The following OTUD7A variants were observed in gnomAD, a reference collection of about 807,000 sequenced individuals.
OTUD7A encodes OTU domain-containing protein 7A.
OTUD7A carries 12 observed loss-of-function variants against 65.7 expected under a neutral mutation model. The ratio of observed to expected loss-of-function variants is 0.18; its 90% CI spans 0.12 to 0.30. OTUD7A has a LOEUF of 0.30. OTUD7A is among the 10% of genes least tolerant of loss of function. The pLI is 1.00. For synonymous variants in OTUD7A, 641 were observed against 586.3 expected, an observed-to-expected ratio of 1.09 and a Z score of -1.35; for missense variants, 1,148 against 1,304.8, an observed-to-expected ratio of 0.88 and a Z score of 1.85.
intron 1 of OTUD7A, among the ~76,000 whole-genome samples, chr15:31,790,746 G>A (rs1432052381): frequency 6.6e-6 from 1 of 152,136 alleles, no homozygotes; most frequent in African/African-American, 2.4e-5. Context: ...CTCCTCTGGG[G>A]CCTCTGGCCC....
At chr15:31,594,711 T>C (rs1409256262) in intron 3 of OTUD7A, among the ~76,000 whole-genome samples, 3 of 152,192 alleles carry the variant, frequency 2.0e-5, no homozygotes, top group Admixed American at 6.5e-5. Flanking sequence ...CCCCCACTCA[T>C]GGAGGGATCA....
chr15:31,807,812 C>G lies in OTUD7A; in HGVS notation c.-100+62695G>C, dbSNP rs951529278. On this transcript the variant is annotated intron_variant, in intron 1 of 12. Coordinates refer to ENST00000307050, the MANE Select transcript of OTUD7A (RefSeq NM_001382637.1). ...AACCACCTCCACTCCCCCAACCCCCCAAAAAAACCCACAAATACACTGAAG... is the reference window on the plus strand; with the variant it reads ...AACCACCTCCACTCCCCCAACCCCCGAAAAAAACCCACAAATACACTGAAG... Among the ~76,000 whole-genome samples, 9 of 152,062 alleles carry G rather than the reference C, an allele frequency of 5.9e-5. 1 individual carries two copies. The highest frequency in any genetic ancestry group is 5.2e-4 in the Admixed American group (8 of 15,270).
intron 3 of OTUD7A, among the ~76,000 whole-genome samples, chr15:31,572,222 T>C (rs951496481): frequency 4.6e-5 from 7 of 152,306 alleles, no homozygotes; most frequent in Admixed American, 3.9e-4. Context: ...GCTGAAAATA[T>C]TCATTTTCTC....
intron 1 of OTUD7A, among the ~76,000 whole-genome samples, chr15:31,855,569 T>C (rs762405600): frequency 3.0e-4 from 46 of 152,322 alleles, no homozygotes; most frequent in Non-Finnish European, 5.3e-4. Context: ...ACTGATACTG[T>C]GTGATCCTGG....
At chr15:31,667,434 T>C (rs968232925) in intron 1 of OTUD7A, among the ~76,000 whole-genome samples, 3 of 152,234 alleles carry the variant, frequency 2.0e-5, no homozygotes, top group Non-Finnish European at 2.9e-5. Flanking sequence ...TTGCCTGATA[T>C]AAGAATAGCT....
At chr15:31,845,738 G>A (rs575762615) in intron 1 of OTUD7A, among the ~76,000 whole-genome samples, 3 of 152,352 alleles carry the variant, frequency 2.0e-5, no homozygotes, top group Admixed American at 6.5e-5. Flanking sequence ...TCTGGCAGAC[G>A]TGCCAGGACC....
rs2141068316 is a variant in OTUD7A at position 31,489,702 on chromosome 15, G to A, written c.1172-2136C>T. Among the ~76,000 whole-genome samples, 4 of 152,340 alleles carry A rather than the reference G, an allele frequency of 2.6e-5. 1 individual carries two copies. The Middle Eastern group carries it at 0.014, about 518-fold the overall frequency. ...TCCTTTTAGATTTCCACTGTGTTAAGTCACTGTGATTTTGGTTTGTTTGTT... is the reference window on the plus strand; with the variant it reads ...TCCTTTTAGATTTCCACTGTGTTAAATCACTGTGATTTTGGTTTGTTTGTT... On this transcript the variant is annotated intron_variant, in intron 10 of 12. Transcript: ENST00000307050.
chr15:31,689,755 G>A (rs1014227968), intron 1 of OTUD7A, among the ~76,000 whole-genome samples: 8 of 152,170 alleles, frequency 5.3e-5, no homozygotes, highest in Admixed American at 1.3e-4. Flanking sequence ...AGTCTCATCC[G>A]TGTGGACTTA....
At chr15:31,810,382 A>C (rs1201991110) in intron 1 of OTUD7A, among the ~76,000 whole-genome samples, 1 of 152,188 alleles carries the variant, frequency 6.6e-6, no homozygotes. Context: ...GCATTTAAAG[A>C]GGTAATTAAG....
chr15:31,824,179 G>A (rs1328976905), intron 1 of OTUD7A, among the ~76,000 whole-genome samples: 1 of 152,216 alleles, frequency 6.6e-6, no homozygotes, highest in Admixed American at 6.5e-5. Context: ...ACTCCTTCAT[G>A]CTCAGGACAC....
In OTUD7A at chr15:31,487,100, T is replaced by G; in HGVS notation, c.1371+94A>C. 8.0e-7 allele frequency: 1 copy of G among 1,248,010 alleles called. No individual in the cohort carries two copies. 77.3% of individuals were successfully genotyped at this position (1,248,010 alleles called of 1,614,324 possible). ...GCGGCCGGGCAGGGGCAGGCAAGAGTGTGGGAGCATTTGGGAGGATGCACC... is the reference window on the plus strand; with the variant it reads ...GCGGCCGGGCAGGGGCAGGCAAGAGGGTGGGAGCATTTGGGAGGATGCACC... On this transcript the variant is annotated intron_variant, in intron 12 of 12. Coordinates refer to ENST00000307050, the MANE Select transcript of OTUD7A (RefSeq NM_001382637.1). The surrounding 1 kb of genome is among the most constrained non-coding windows in gnomAD (Gnocchi z 6.0).
chr15:31,790,693 G>C (rs1895790309), intron 1 of OTUD7A, among the ~76,000 whole-genome samples: 1 of 152,152 alleles, frequency 6.6e-6, no homozygotes, highest in South Asian at 2.1e-4. Flanking sequence ...CAATATCATG[G>C]AAACAACTCA....
intron 3 of OTUD7A, among the ~76,000 whole-genome samples, chr15:31,573,192 A>T (rs1244810524): frequency 6.6e-6 from 1 of 152,230 alleles, no homozygotes; most frequent in Admixed American, 6.5e-5. Flanking sequence ...GCCAAAAGAC[A>T]ATAGGGCCAC....
chr15:31,570,740 G>A (rs377571837), intron 3 of OTUD7A, among the ~76,000 whole-genome samples: 39 of 152,308 alleles, frequency 2.6e-4, no homozygotes, highest in African/African-American at 9.1e-4. Context: ...TGCACCAGGT[G>A]TGATGCCAGG....
intron 1 of OTUD7A, among the ~76,000 whole-genome samples, chr15:31,728,662 G>A (rs950417964): frequency 3.3e-5 from 5 of 152,072 alleles, no homozygotes; most frequent in Non-Finnish European, 7.3e-5. Flanking sequence ...TATCCTTTAG[G>A]TCTCAGGTGC....
At chr15:31,841,214 C>T (rs770023486) in intron 1 of OTUD7A, among the ~76,000 whole-genome samples, 2 of 152,124 alleles carry the variant, frequency 1.3e-5, no homozygotes, top group Non-Finnish European at 2.9e-5. Context: ...GTCACAGAGT[C>T]CCTTGGCAAG....
chr15:31,655,182 G>T lies in OTUD7A; in HGVS notation c.65C>A (p.Pro22His). The T allele has an allele frequency of 1.3e-6, 2 of 1,550,478 alleles. No individual in the cohort carries two copies. The highest frequency in any genetic ancestry group is 1.7e-6 in the Non-Finnish European group (2 of 1,143,448). The change falls in exon 3 of 13, where the codon CCT becomes CAT. Residue 22 changes from proline to histidine, a missense_variant. By Grantham distance (77) the Pro-to-His change is moderately conservative. Coordinates refer to ENST00000307050, the MANE Select transcript of OTUD7A (RefSeq NM_001382637.1). Reference sequence around the variant, plus strand: ...GACTGCGTCCATATCAAGAGTCATAGGATCATGTAGAAGTGCTGCCCAACA... The same window carrying T: ...GACTGCGTCCATATCAAGAGTCATATGATCATGTAGAAGTGCTGCCCAACA... ...AECWAALLHDPMTLDMDAVLS... is the reference protein window; with the variant it reads ...AECWAALLHDHMTLDMDAVLS...
chr15:31,739,061 G>A (rs1894268230), intron 1 of OTUD7A, among the ~76,000 whole-genome samples: 2 of 152,074 alleles, frequency 1.3e-5, no homozygotes, highest in Admixed American at 1.3e-4. Context: ...CATTTCTGGG[G>A]AGCAGCCCAG....
Position 31,853,821 on chromosome 15 carries a change from C to T in OTUD7A, c.-100+16686G>A, listed in dbSNP as rs572064738. 3.3e-5 allele frequency among the ~76,000 whole-genome samples: 5 copies of T among 152,318 alleles called. No individual in the cohort carries two copies. The South Asian group carries it at 6.2e-4, about 19-fold the overall frequency. On this transcript the variant is annotated intron_variant, in intron 1 of 12. Coordinates refer to ENST00000307050, the MANE Select transcript of OTUD7A (RefSeq NM_001382637.1). ...CATCCCGCCCTGGCTTCACCCTCAT[C>T]CTTCTTCTTCAACAAAGACCTGACC...
Sources: gnomAD v4.1 joint callset for allele counts (sites outside exome capture counted in the v4.1 genomes callset) on GRCh38, gnomAD v4.1.1 for gene constraint, Gnocchi (gnomAD v3.1) non-coding constraint, MANE v1.5 for transcripts, NCBI Gene and HGNC (gene_info 2026-07-23, HGNC 2026-07-21) for gene names.